Variants in TAF1B observed in about 807,000 individuals in gnomAD.
TAF1B encodes the protein TATA box-binding protein-associated factor RNA polymerase I subunit B.
TAF1B carries 61 observed loss-of-function variants against 83.9 expected under a neutral mutation model. The observed-to-expected ratio is 0.73, with a 90% confidence interval of 0.59 to 0.90. The LOEUF (loss-of-function observed/expected upper bound fraction) is 0.90, where lower values mean the gene tolerates loss of function less well. Ranked by LOEUF, TAF1B falls within the 40% of genes least tolerant of loss-of-function variation. The probability of loss-of-function intolerance (pLI) is 0.00; values close to 1 mark genes in which losing one functional copy is unlikely to be tolerated. For missense variants in TAF1B, 625 were observed against 677.0 expected, an observed-to-expected ratio of 0.92 and a Z score of 0.85; for synonymous variants, 221 against 224.6, an observed-to-expected ratio of 0.98 and a Z score of 0.14.
At chr2:9,847,129 A>T (rs1415831801) in intron 2 of TAF1B, among the ~76,000 whole-genome samples, 1 of 152,148 alleles carries the variant, frequency 6.6e-6, no homozygotes, top group African/African-American at 2.4e-5. Context: ...TGCTGCAGTC[A>T]TTTTTTAGTT....
In TAF1B at chr2:9,875,462, A is replaced by G. The variant is rs1024523667; in HGVS notation, c.554-403A>G. Among the ~76,000 whole-genome samples the G allele has an allele frequency of 2.6e-5, 4 of 152,218 alleles. 1 individual carries two copies. The highest frequency in any genetic ancestry group is 9.6e-5 in the African/African-American group (4 of 41,458). Reference sequence around the variant, plus strand: ...AGAAATACCCAAGACTGGGTCATTTATACAGAAAAAGAGGTTTAATGGACT... The same window carrying G: ...AGAAATACCCAAGACTGGGTCATTTGTACAGAAAAAGAGGTTTAATGGACT... On this transcript the variant is annotated intron_variant, in intron 6 of 14. Transcript: ENST00000263663.
At chr2:9,864,820 C>G (rs1435586676) in intron 5 of TAF1B, among the ~76,000 whole-genome samples, 2 of 152,106 alleles carry the variant, frequency 1.3e-5, no homozygotes, top group Non-Finnish European at 2.9e-5. Context: ...AGCATATAAA[C>G]AGAACCAAAG....
chr2:9,910,843 G>A lies in TAF1B; in HGVS notation c.1063G>A (p.Asp355Asn), dbSNP rs906671948. 46 of 1,613,448 alleles carry A rather than the reference G, an allele frequency of 2.9e-5. No homozygotes were observed. The highest frequency in any genetic ancestry group is 1.6e-4 in the Middle Eastern group (1 of 6,078). Residue 355 changes from aspartate to asparagine, a missense_variant, in exon 10 of 15, where the codon GAT (aspartate) becomes AAT (asparagine). Transcript: ENST00000263663. ...TAAAATGGCAAAAACTGTTAAGTACGATGTACAAGCTGTAGCTATCATTGT... is the reference window on the plus strand; with the variant it reads ...TAAAATGGCAAAAACTGTTAAGTACAATGTACAAGCTGTAGCTATCATTGT... ...IAKMAKTVKYDVQAVAIIVVV... is the reference protein window; with the variant it reads ...IAKMAKTVKYNVQAVAIIVVV...
At chr2:9,901,857 T>G (rs940596176) in intron 8 of TAF1B, among the ~76,000 whole-genome samples, 5 of 152,122 alleles carry the variant, frequency 3.3e-5, no homozygotes, top group African/African-American at 1.2e-4. Context: ...TAATAGTATT[T>G]TAGTGTACAA....
chr2:9,862,915 G>C (rs1663826565), intron 5 of TAF1B, among the ~76,000 whole-genome samples: 2 of 152,064 alleles, frequency 1.3e-5, no homozygotes, highest in African/African-American at 2.4e-5. Flanking sequence ...GTCACCACCA[G>C]GCCTGCCCTA....
rs1223799435 is a variant in TAF1B, at chr2:9,911,517, G to T, written c.1140G>T (p.Leu380Phe). ...TGTTTATTGTTATCTCCAGGTCTTTGTCTAATCTTGCTGAAAAGCATAATG... is the reference window on the plus strand; with the variant it reads ...TGTTTATTGTTATCTCCAGGTCTTTTTCTAATCTTGCTGAAAAGCATAATG... ...FLLDDSFEWS[L>F]SNLAEKHNEK... The change falls in exon 11 of 15, where the codon TTG becomes TTT. Residue 380 changes from leucine to phenylalanine, a missense_variant. Transcript: ENST00000263663. The T allele has an allele frequency of 2.0e-6, 3 of 1,512,520 alleles. No individual in the cohort carries two copies. In the South Asian group the frequency reaches 3.8e-5, roughly 19 times the overall value. The allele number at this position is 1,512,520 out of a possible 1,614,324, so 93.7% of individuals were successfully genotyped here.
In TAF1B at chr2:9,843,716, T is replaced by TGGCC. The variant is rs1437549387; in HGVS notation, c.18+163_18+166dup. 1.1e-5 allele frequency: 9 copies of TGGCC among 800,022 alleles called. No individual in the cohort carries two copies. The East Asian group carries it at 2.3e-4, about 21-fold the overall frequency. 49.6% of individuals were successfully genotyped at this position (800,022 alleles called of 1,614,324 possible). ...TGCAGGGCGGGCTAAGGACTGGGGC[T>TGGCC]GGCCGGCCGCATGCGCGCGCGGCTT... is the stretch of plus-strand genomic sequence containing the variant. On this transcript the variant is annotated intron_variant, in intron 1 of 14. Coordinates refer to ENST00000263663, the MANE Select transcript of TAF1B (RefSeq NM_005680.3).
chr2:9,843,831 C>T (rs114823124), intron 1 of TAF1B: 17,655 of 318,616 alleles, frequency 0.055, 595 homozygotes, highest in African/African-American at 0.082. Flanking sequence ...AAGGATGAAG[C>T]TGTGGGTTTT....
intron 8 of TAF1B, among the ~76,000 whole-genome samples, chr2:9,883,975 C>G (rs542147233): frequency 1.3e-5 from 2 of 152,334 alleles, no homozygotes; most frequent in African/African-American, 4.8e-5. Context: ...CTCATTTCGC[C>G]CACTCCGCCT....
intron 5 of TAF1B, among the ~76,000 whole-genome samples, chr2:9,866,353 C>T (rs942778137): frequency 1.3e-5 from 2 of 152,110 alleles, no homozygotes; most frequent in African/African-American, 4.8e-5. Context: ...CATCACTGGC[C>T]ATCAGAGAAA....
chr2:9,845,279 A>G lies in TAF1B; in HGVS notation c.78A>G (p.Glu26=). The stretch of plus-strand genomic sequence containing the variant: ...CTGTCTCATGGGGTCTTACTGATGA[A>G]GGCAAATATTATTGCACTTCTTGCC... ...CAAVSWGLTD[E]GKYYCTSCHN... The change falls in exon 2 of 15, where the codon GAA becomes GAG. Residue 26 remains glutamate (E), a synonymous_variant. Coordinates refer to ENST00000263663, the MANE Select transcript of TAF1B (RefSeq NM_005680.3). 1 of 1,613,908 alleles carries G rather than the reference A, an allele frequency of 6.2e-7. No individual in the cohort carries two copies. Among genetic ancestry groups the G allele is most frequent in the Non-Finnish European group, 8.5e-7 (1 of 1,179,872 alleles).
intron 14 of TAF1B, among the ~76,000 whole-genome samples, chr2:9,929,745 A>G (rs1666156134): frequency 6.6e-6 from 1 of 152,148 alleles, no homozygotes. Flanking sequence ...TGATTGGAAT[A>G]GTTTCAGAAG....
At chr2:9,843,443 T>C, upstream of TAF1B, 1 of 1,410,060 alleles carries the variant, frequency 7.1e-7, no homozygotes, top group South Asian at 1.3e-5. Flanking sequence ...TAGGCGCGGA[T>C]CTCGCGTTTC....
intron 7 of TAF1B, among the ~76,000 whole-genome samples, chr2:9,877,817 C>G (rs1192495485): frequency 1.3e-5 from 2 of 151,912 alleles, no homozygotes; most frequent in East Asian, 3.9e-4. Flanking sequence ...AGATACTACC[C>G]ACCCCTCTTC....
intron 2 of TAF1B, among the ~76,000 whole-genome samples, chr2:9,846,574 C>G (rs1048149374): frequency 1.3e-5 from 2 of 152,178 alleles, no homozygotes; most frequent in Non-Finnish European, 2.9e-5. Flanking sequence ...GTCCCCTAAA[C>G]AATGAAAAAC....
chr2:9,923,237 C>CAAAAAAA (rs71391173), intron 14 of TAF1B, among the ~76,000 whole-genome samples: 1 of 113,078 alleles, frequency 8.8e-6, no homozygotes. Context: ...GACTCCATCT[C>CAAAAAAA]AAAAAAAAAA....
intron 4 of TAF1B, among the ~76,000 whole-genome samples, 157 bp downstream of exon 4, chr2:9,851,795 A>G (rs1663404340): frequency 1.3e-5 from 2 of 152,242 alleles, no homozygotes; most frequent in Non-Finnish European, 2.9e-5. Context: ...GTAGGTTAGC[A>G]GTTCTGGAAG....
chr2:9,843,952 G>C (rs1358945019), intron 1 of TAF1B, among the ~76,000 whole-genome samples: 1 of 152,110 alleles, frequency 6.6e-6, no homozygotes, highest in Admixed American at 6.5e-5. Context: ...GATGCCGCCG[G>C]GTAACCCCTG....
At chr2:9,894,174 C>T (rs1462521625) in intron 8 of TAF1B, among the ~76,000 whole-genome samples, 1 of 152,062 alleles carries the variant, frequency 6.6e-6, no homozygotes, top group Admixed American at 6.5e-5. Context: ...ATTCCGTCTA[C>T]AAAATAAGGA....
Sources: gnomAD v4.1 joint callset for allele counts (sites outside exome capture counted in the v4.1 genomes callset) on GRCh38, gnomAD v4.1.1 for gene constraint, MANE v1.5 for transcripts, NCBI Gene and HGNC (gene_info 2026-07-23, HGNC 2026-07-21) for gene names.